The following SAMMSON variants were observed in gnomAD, a reference collection of about 807,000 sequenced individuals.
The protein encoded by SAMMSON is long intergenic non-protein coding RNA 1212.
intron 2 of SAMMSON, among the ~76,000 whole-genome samples, chr3:70,013,115 A>C (rs993938332): frequency 2.0e-5 from 3 of 152,156 alleles, no homozygotes; most frequent in Non-Finnish European, 2.9e-5. Flanking sequence ...TTATTTAGGT[A>C]AAACACTTGA....
At chr3:70,402,656 G>T (rs1040482317) in intron 2 of SAMMSON, among the ~76,000 whole-genome samples, 15 of 152,146 alleles carry the variant, frequency 9.9e-5, no homozygotes, top group African/African-American at 3.6e-4. Context: ...GAGGTCAGGA[G>T]TTCAAGACCA....
intron 2 of SAMMSON, among the ~76,000 whole-genome samples, chr3:70,395,348 T>TTG (rs1553662090): frequency 1.3e-5 from 2 of 149,738 alleles, no homozygotes; most frequent in African/African-American, 2.5e-5. Context: ...TTTTTTTTTT[T>TTG]TGTGTTGTTG....
intron 7 of SAMMSON, among the ~76,000 whole-genome samples, chr3:70,329,243 T>G (rs1189728506): frequency 6.6e-6 from 1 of 152,134 alleles, no homozygotes; most frequent in Non-Finnish European, 1.5e-5. Flanking sequence ...CCATATATCT[T>G]TAATAAGTTC....
At chr3:70,363,871 C>T (rs1702897547) in intron 9 of SAMMSON, among the ~76,000 whole-genome samples, 1 of 150,654 alleles carries the variant, frequency 6.6e-6, no homozygotes, top group Non-Finnish European at 1.5e-5. Flanking sequence ...ATGACGTTTT[C>T]CACACATGTA....
At chr3:70,172,235 T>A (rs1280753349) in intron 4 of SAMMSON, 5 of 151,638 alleles carry the variant, frequency 3.3e-5, no homozygotes, top group African/African-American at 9.7e-5. Flanking sequence ...TGGAACAGAT[T>A]TTCCCCCCAA....
intron 4 of SAMMSON, chr3:70,137,533 A>G (rs1298985906): frequency 6.6e-6 from 1 of 152,074 alleles, no homozygotes; most frequent in Non-Finnish European, 1.5e-5. Context: ...GTCTCAACTC[A>G]CTCGAGTAGT....
intron 7 of SAMMSON, among the ~76,000 whole-genome samples, chr3:70,348,477 G>A (rs1339973288): frequency 6.6e-6 from 1 of 151,976 alleles, no homozygotes; most frequent in Admixed American, 6.5e-5. Context: ...TCCTTACATG[G>A]CAGAGAGAGA....
At chr3:70,045,673 A>G (rs1010620872) in intron 3 of SAMMSON, among the ~76,000 whole-genome samples, 4 of 152,108 alleles carry the variant, frequency 2.6e-5, no homozygotes. Context: ...GTGAATATTT[A>G]GAAGCTCGGG....
intron 6 of SAMMSON, among the ~76,000 whole-genome samples, chr3:70,261,614 T>G (rs895208138): frequency 2.0e-5 from 3 of 152,216 alleles, no homozygotes; most frequent in African/African-American, 7.2e-5. Flanking sequence ...CTGAATGGGC[T>G]TTCTTCACTT....
At chr3:70,169,593 G>A (rs554167582) in intron 4 of SAMMSON, among the ~76,000 whole-genome samples, 3 of 151,572 alleles carry the variant, frequency 2.0e-5, no homozygotes, top group East Asian at 3.9e-4. Flanking sequence ...AAAGAAAATT[G>A]AAGCTAAATA....
chr3:70,178,557 A>G (rs1394772704), intron 4 of SAMMSON, among the ~76,000 whole-genome samples: 1 of 152,202 alleles, frequency 6.6e-6, no homozygotes, highest in East Asian at 1.9e-4. Flanking sequence ...TAATGTTTTG[A>G]AACTGGGGCA....
intron 4 of SAMMSON, among the ~76,000 whole-genome samples, chr3:70,203,146 C>T (rs187781473): frequency 8.5e-4 from 130 of 152,186 alleles, no homozygotes; most frequent in African/African-American, 2.8e-3. Flanking sequence ...CCAGACAAAT[C>T]ACAATCCCTC....
chr3:70,063,951 A>T (rs1189515716), intron 3 of SAMMSON, among the ~76,000 whole-genome samples: 1 of 152,068 alleles, frequency 6.6e-6, no homozygotes, highest in African/African-American at 2.4e-5. Flanking sequence ...ATCTTTTCCT[A>T]CAAGGTCAGT....
Position 70,118,943 on chromosome 3 carries a change from T to C in SAMMSON, n.507+47378T>C, listed in dbSNP as rs112323268. Among the ~76,000 whole-genome samples, 1,193 of 152,356 alleles carry C rather than the reference T, an allele frequency of 7.8e-3. 4 individuals are homozygous for C. The highest frequency in any genetic ancestry group is 0.013 in the Non-Finnish European group (908 of 68,026). Reference sequence around the variant, plus strand: ...GAGGAGATAGATTTGTTTGAATATATGGACCATTTCCAGCTACACTTAGCA... The same window carrying C: ...GAGGAGATAGATTTGTTTGAATATACGGACCATTTCCAGCTACACTTAGCA... On this transcript the variant is annotated intron_variant and non_coding_transcript_variant, in intron 4 of 9. Transcript: ENST00000642114.
intron 7 of SAMMSON, among the ~76,000 whole-genome samples, chr3:70,330,032 A>G (rs1219417804): frequency 6.6e-6 from 1 of 151,940 alleles, no homozygotes; most frequent in African/African-American, 2.4e-5. Flanking sequence ...GTATAAAAAG[A>G]CGGCCAGAAA....
chr3:70,236,355 C>T (rs952956755), intron 4 of SAMMSON, among the ~76,000 whole-genome samples: 2 of 152,070 alleles, frequency 1.3e-5, no homozygotes, highest in Non-Finnish European at 2.9e-5. Context: ...CATATATATT[C>T]ACTTCTTGTA....
At chr3:70,397,984 T>C (rs547916633) in intron 2 of SAMMSON, among the ~76,000 whole-genome samples, 1 of 152,330 alleles carries the variant, frequency 6.6e-6, no homozygotes, top group East Asian at 1.9e-4. Flanking sequence ...ATAGTAGTTA[T>C]GTATTCTATT....
intron 3 of SAMMSON, chr3:70,069,567 G>C (rs998760693): frequency 6.6e-6 from 1 of 152,146 alleles, no homozygotes; most frequent in South Asian, 2.1e-4. Context: ...AGATCACACA[G>C]TTAACAAGAA....
At chr3:70,223,054 C>A (rs1318232281) in intron 4 of SAMMSON, among the ~76,000 whole-genome samples, 2 of 152,078 alleles carry the variant, frequency 1.3e-5, no homozygotes, top group Non-Finnish European at 2.9e-5. Flanking sequence ...ATTTCAGATA[C>A]ATTATATTAA....
Sources: gnomAD v4.1 joint callset for allele counts (sites outside exome capture counted in the v4.1 genomes callset) on GRCh38, gnomAD v4.1.1 for gene constraint, MANE v1.5 for transcripts, NCBI Gene and HGNC (gene_info 2026-07-23, HGNC 2026-07-21) for gene names.